Variants in MLXIPL observed in about 807,000 individuals in gnomAD.
The protein encoded by MLXIPL is MLX interacting protein like.
A neutral mutation model predicts 81.5 loss-of-function variants in MLXIPL; 49 were observed. The observed-to-expected ratio is 0.60, with a 90% CI of 0.48 to 0.76. The LOEUF (loss-of-function observed/expected upper bound fraction) is 0.76, where lower values mean the gene tolerates loss of function less well. MLXIPL is among the 30% of genes least tolerant of loss of function. The pLI is 0.00. For synonymous variants in MLXIPL, 466 were observed against 485.5 expected (o/e 0.96, Z 0.53); for missense variants, 1,053 against 1,167.0 (o/e 0.90, Z 1.42).
intron 7 of MLXIPL, among the ~76,000 whole-genome samples, chr7:73,602,308 TCAAA>T (rs1458375773): frequency 6.7e-6 from 1 of 150,310 alleles, no homozygotes; most frequent in African/African-American, 2.4e-5. Context: ...CCTCCCAGGT[TCAAA>T]CAATTCTCCT....
the MLXIPL span, among the ~76,000 whole-genome samples, chr7:73,636,249 A>C: frequency 2.6e-5 from 4 of 152,030 alleles, no homozygotes; most frequent in African/African-American, 9.7e-5. Context: ...ATCTCTACTA[A>C]AAACACAAAA....
At position 73,593,889 on chromosome 7, in the gene MLXIPL, C is replaced by G; in HGVS notation, c.2535G>C (p.Glu845Asp). ...IPEQATRAVT[E>D]GTLGKPL ...ACTATAAAGGTTTGCCAAGGGTGCC[C>G]TCTGTGACTGCCCGTGTGGCTTGCT... Residue 845 changes from glutamate (E) to aspartate (D), a missense_variant, in exon 17 of 17, where the codon GAG becomes GAC. By Grantham distance (45) the Glu-to-Asp change is conservative (BLOSUM62 2). Transcript: ENST00000313375. The G allele has an allele frequency of 6.2e-7, 1 of 1,614,098 alleles. No individual in the cohort carries two copies. Among genetic ancestry groups the G allele is most frequent in the Non-Finnish European group, 8.5e-7 (1 of 1,179,996 alleles).
chr7:73,598,178 C>T (rs1399204606), intron 8 of MLXIPL, among the ~76,000 whole-genome samples: 2 of 152,066 alleles, frequency 1.3e-5, no homozygotes, highest in African/African-American at 4.8e-5. Context: ...CCCATCCATT[C>T]ATCAATTGTC....
At chr7:73,629,072 T>C (rs1423332571), upstream of MLXIPL, among the ~76,000 whole-genome samples, 1 of 151,214 alleles carries the variant, frequency 6.6e-6, no homozygotes, top group African/African-American at 2.4e-5. Flanking sequence ...AGACCAAGTC[T>C]TGCTCTGTCG....
the MLXIPL span, among the ~76,000 whole-genome samples, chr7:73,637,244 G>C: frequency 6.6e-6 from 1 of 151,726 alleles, no homozygotes; most frequent in African/African-American, 2.4e-5. Context: ...TTGGCAGGCC[G>C]AGGCAAGAGG....
At chr7:73,612,819 C>T (rs1157566107) in intron 2 of MLXIPL, among the ~76,000 whole-genome samples, 6 of 152,214 alleles carry the variant, frequency 3.9e-5, no homozygotes, top group Admixed American at 1.3e-4. Flanking sequence ...CTTCCCTTCA[C>T]TCAGCCGCGG....
At chr7:73,611,828 A>T (rs892066295) in intron 2 of MLXIPL, among the ~76,000 whole-genome samples, 1 of 152,010 alleles carries the variant, frequency 6.6e-6, no homozygotes, top group African/African-American at 2.4e-5. Flanking sequence ...AAAAAAAAAT[A>T]AAATAAAATA....
At chr7:73,605,443 C>T (rs1795198443) in intron 7 of MLXIPL, among the ~76,000 whole-genome samples, 1 of 152,156 alleles carries the variant, frequency 6.6e-6, no homozygotes. Flanking sequence ...CACCTGTAGT[C>T]CCAGCTACTC....
At chr7:73,594,496 G>A in intron 15 of MLXIPL, 93 bp from the exon 16 acceptor site, 1 of 1,502,440 alleles carries the variant, frequency 6.7e-7, no homozygotes, top group South Asian at 1.1e-5. Flanking sequence ...GGAAGAAAGG[G>A]CCTGGACACT....
chr7:73,630,874 G>A, the MLXIPL span, among the ~76,000 whole-genome samples: 42,694 of 152,142 alleles, frequency 0.28, 6,250 homozygotes, highest in African/African-American at 0.34. Context: ...GAACCCAGCA[G>A]TGTGCACACA....
upstream of MLXIPL, chr7:73,624,658 G>T: frequency 2.3e-6 from 3 of 1,296,802 alleles, no homozygotes; most frequent in East Asian, 3.1e-5. Context: ...CTTACGCCAG[G>T]TGAGAACCCG....
In MLXIPL at chr7:73,624,390, G is replaced by A. The variant is rs782311319; in HGVS notation, c.103C>T (p.Arg35Trp). The change falls in exon 1 of 17, where the codon CGG becomes TGG. Residue 35 changes from arginine to tryptophan, a missense_variant. By Grantham distance (101) the Arg-to-Trp change is moderately radical. Around this residue, in one of 3 missense-constraint regions of MLXIPL, gnomAD observed 226 missense variants for 216.2 expected, o/e 1.05. Coordinates refer to ENST00000313375, the MANE Select transcript of MLXIPL (RefSeq NM_032951.3). Reference sequence around the variant, plus strand: ...CGGAGCAAGCCGCCCGCGCTGCGCCGGAGACTCGGGTCCTCCGAGTCTGTG... The same window carrying A: ...CGGAGCAAGCCGCCCGCGCTGCGCCAGAGACTCGGGTCCTCCGAGTCTGTG... ...SDTDSEDPSL[R>W]RSAGGLLRSQ... 59 of 1,567,152 alleles carry A rather than the reference G, an allele frequency of 3.8e-5. No homozygotes were observed. The African/African-American group carries it at 7.4e-4, about 20-fold the overall frequency.
chr7:73,624,589 C>T (rs929911367), upstream of MLXIPL: 89 of 1,402,642 alleles, frequency 6.3e-5, no homozygotes, highest in Non-Finnish European at 7.8e-5. Context: ...CGCCCCCACA[C>T]CATAGGCCGA....
At position 73,596,401 on chromosome 7, in the gene MLXIPL, T is replaced by G. The variant is rs1584072267; in HGVS notation, c.1901A>C (p.Gln634Pro). ...GTLSVRVSPPQPILSRGRPDS... is the reference protein window; with the variant it reads ...GTLSVRVSPPPPILSRGRPDS... ...TGGACGGCCCCGGCTGAGGATGGGT[T>G]GCGGGGGAGAGACACGGACGCTCAG... is the stretch of plus-strand genomic sequence containing the variant. Residue 634 changes from glutamine to proline, a missense_variant, in exon 12 of 17, where the codon CAA (glutamine) becomes CCA (proline). This residue lies in a region of MLXIPL where 823 missense variants were observed against 933.0 expected (regional missense o/e 0.88). Coordinates refer to ENST00000313375, the MANE Select transcript of MLXIPL (RefSeq NM_032951.3). The surrounding 1 kb of genome is among the most constrained non-coding windows in gnomAD (Gnocchi z 4.7). The G allele has an allele frequency of 6.2e-7, 1 of 1,605,550 alleles. No homozygotes were observed. The highest frequency in any genetic ancestry group is 8.5e-7 in the Non-Finnish European group (1 of 1,177,818).
chr7:73,602,612 G>A (rs1794972231), intron 7 of MLXIPL, among the ~76,000 whole-genome samples: 2 of 152,142 alleles, frequency 1.3e-5, no homozygotes, highest in South Asian at 4.2e-4. Context: ...CCCGGGAGGT[G>A]GGGGTTGCAG....
intron 2 of MLXIPL, among the ~76,000 whole-genome samples, chr7:73,612,430 C>T (rs1206328318): frequency 2.0e-5 from 3 of 152,020 alleles, no homozygotes; most frequent in Admixed American, 1.3e-4. Flanking sequence ...CACCTGAGGT[C>T]GGGAGTTCGA....
At chr7:73,621,542 C>G (rs907015842) in intron 1 of MLXIPL, among the ~76,000 whole-genome samples, 1 of 151,978 alleles carries the variant, frequency 6.6e-6, no homozygotes, top group Admixed American at 6.6e-5. Flanking sequence ...TAATCTGCTC[C>G]CCTCCAGGGG....
At position 73,605,782 on chromosome 7, in the gene MLXIPL, T is replaced by TGGCGACATCAGCAGCAGC. The variant is rs57329591; in HGVS notation, c.821-32_821-15dup. The TGGCGACATCAGCAGCAGC allele has an allele frequency of 3.0e-4, 481 of 1,612,186 alleles. 4 individuals are homozygous for TGGCGACATCAGCAGCAGC. In the East Asian group the frequency reaches 0.01, roughly 34 times the overall value. On this transcript the variant is annotated splice_polypyrimidine_tract_variant and intron_variant, in intron 6 of 16. Transcript: ENST00000313375. ...TGCCGACGTAGGCTGGAGGCAGCAG[T>TGGCGACATCAGCAGCAGC]GGCGACATCAGCAGCAGCAGGCAGG...
the MLXIPL span, among the ~76,000 whole-genome samples, chr7:73,647,316 C>G: frequency 6.6e-6 from 1 of 152,154 alleles, no homozygotes; most frequent in Admixed American, 6.5e-5. Flanking sequence ...TTTTGGTCCT[C>G]CTCATCCCAG....
Sources: gnomAD v4.1 joint callset for allele counts (sites outside exome capture counted in the v4.1 genomes callset) on GRCh38, gnomAD v4.1.1 for gene constraint, gnomAD v4.1.1 regional missense constraint, Gnocchi (gnomAD v3.1) non-coding constraint, MANE v1.5 for transcripts, NCBI Gene and HGNC (gene_info 2026-07-23, HGNC 2026-07-21) for gene names.